The following UBE2E2 variants were observed in gnomAD, a reference collection of about 807,000 sequenced individuals.
The protein encoded by UBE2E2 is ubiquitin conjugating enzyme E2 E2, also known as ubiquitin-conjugating enzyme E2 E2.
Under a neutral mutation model 24.7 loss-of-function variants are expected in UBE2E2, and 6 were observed. That is an observed-to-expected ratio of 0.24 (90% CI 0.13 to 0.48). UBE2E2 has a LOEUF of 0.48. UBE2E2 is among the 20% of genes least tolerant of loss of function. UBE2E2 has a pLI of 0.99. For synonymous variants in UBE2E2, 104 were observed against 83.6 expected (o/e 1.24, Z -1.33); for missense variants, 169 against 245.0 (o/e 0.69, Z 2.07).
intron 3 of UBE2E2, among the ~76,000 whole-genome samples, chr3:23,252,029 T>A (rs1697588962): frequency 6.6e-6 from 1 of 152,232 alleles, no homozygotes; most frequent in African/African-American, 2.4e-5. Flanking sequence ...AGGGGGCACA[T>A]GTATTATATT....
At chr3:23,210,149 A>C (rs1696280985) in intron 2 of UBE2E2, among the ~76,000 whole-genome samples, 1 of 152,106 alleles carries the variant, frequency 6.6e-6, no homozygotes, top group African/African-American at 2.4e-5. Flanking sequence ...AGAAAATATG[A>C]CATTTAGGTG....
At chr3:23,512,991 A>G (rs547201898) in intron 4 of UBE2E2, among the ~76,000 whole-genome samples, 6 of 152,260 alleles carry the variant, frequency 3.9e-5, no homozygotes, top group Admixed American at 2.6e-4. Flanking sequence ...ACAGTATACT[A>G]TATATACTGT....
At chr3:23,518,082 A>G (rs1229273345) in intron 4 of UBE2E2, among the ~76,000 whole-genome samples, 1 of 152,070 alleles carries the variant, frequency 6.6e-6, no homozygotes, top group African/African-American at 2.4e-5. Context: ...AGCTTTAAGG[A>G]AAATTAACCC....
chr3:23,294,746 TTTAGA>T (rs897254353), intron 3 of UBE2E2, among the ~76,000 whole-genome samples: 3 of 148,572 alleles, frequency 2.0e-5, no homozygotes, highest in African/African-American at 4.9e-5. Context: ...ATTTTGTATC[TTTAGA>T]TTATTTTATT....
At chr3:23,586,295 G>A (rs991813880) in intron 5 of UBE2E2, among the ~76,000 whole-genome samples, 2 of 151,962 alleles carry the variant, frequency 1.3e-5, no homozygotes, top group Non-Finnish European at 2.9e-5. Flanking sequence ...ATTGTTAGTG[G>A]TCTTTTTTAT....
chr3:23,300,605 A>G (rs1344389432), intron 3 of UBE2E2, among the ~76,000 whole-genome samples: 5 of 152,220 alleles, frequency 3.3e-5, no homozygotes, highest in Non-Finnish European at 5.9e-5. Context: ...AATGTTGAAT[A>G]TTGGTCCCCA....
chr3:23,476,366 A>G (rs1359821420), intron 3 of UBE2E2, among the ~76,000 whole-genome samples: 1 of 152,084 alleles, frequency 6.6e-6, no homozygotes, highest in Non-Finnish European at 1.5e-5. Flanking sequence ...TGAAATTGGC[A>G]CTAAAGCACC....
intron 3 of UBE2E2, among the ~76,000 whole-genome samples, chr3:23,450,425 T>TG (rs1187425438): frequency 2.6e-5 from 4 of 152,228 alleles, no homozygotes; most frequent in African/African-American, 9.6e-5. Flanking sequence ...GGCTACTAAA[T>TG]GGGGCAGTTC....
At chr3:23,352,562 A>T (rs1268457532) in intron 3 of UBE2E2, among the ~76,000 whole-genome samples, 1 of 152,230 alleles carries the variant, frequency 6.6e-6, no homozygotes, top group African/African-American at 2.4e-5. Context: ...ATCACCACCA[A>T]TCCCACAGAA....
chr3:23,418,184 G>T (rs1284518760), intron 3 of UBE2E2, among the ~76,000 whole-genome samples: 1 of 152,194 alleles, frequency 6.6e-6, no homozygotes, highest in African/African-American at 2.4e-5. Flanking sequence ...GGCCCTGGTG[G>T]CGTAGGCACC....
intron 3 of UBE2E2, among the ~76,000 whole-genome samples, chr3:23,344,473 G>A (rs1307662703): frequency 2.0e-5 from 3 of 151,182 alleles, no homozygotes; most frequent in East Asian, 3.9e-4. Flanking sequence ...TTTTTTTTCA[G>A]TTTTAACGTG....
chr3:23,214,259 A>C (rs935622527), intron 2 of UBE2E2, among the ~76,000 whole-genome samples: 21 of 152,052 alleles, frequency 1.4e-4, no homozygotes, highest in African/African-American at 4.6e-4. Flanking sequence ...ATGATTTATC[A>C]GTTTTTTTTC....
chr3:23,554,521 A>G (rs953071910), intron 5 of UBE2E2, among the ~76,000 whole-genome samples: 2 of 152,190 alleles, frequency 1.3e-5, no homozygotes, highest in African/African-American at 4.8e-5. Flanking sequence ...CTTTAAAAAA[A>G]TAAAATAAGA....
At chr3:23,362,014 A>T (rs116556013) in intron 3 of UBE2E2, among the ~76,000 whole-genome samples, 4,443 of 152,288 alleles carry the variant, frequency 0.029, 112 homozygotes, top group East Asian at 0.13. Context: ...ATAATTTCAT[A>T]AAAAAGCTCC....
intron 4 of UBE2E2, among the ~76,000 whole-genome samples, chr3:23,532,299 G>T (rs935396057): frequency 1.3e-5 from 2 of 152,044 alleles, no homozygotes; most frequent in Non-Finnish European, 2.9e-5. Flanking sequence ...TTAAATAACA[G>T]GACTCTTTAT....
At chr3:23,513,301 T>C (rs1697544939) in intron 4 of UBE2E2, among the ~76,000 whole-genome samples, 1 of 152,204 alleles carries the variant, frequency 6.6e-6, no homozygotes, top group South Asian at 2.1e-4. Context: ...GTCCTCCTCA[T>C]TGCCCAGCAT....
chr3:23,301,664 C>G (rs576040619), intron 3 of UBE2E2, among the ~76,000 whole-genome samples: 58 of 152,246 alleles, frequency 3.8e-4, no homozygotes, highest in Admixed American at 3.7e-3. Flanking sequence ...GAGGAGTACC[C>G]GGCCGTGTGA....
intron 5 of UBE2E2, among the ~76,000 whole-genome samples, chr3:23,533,412 AATATTGC>A (rs1695171555): frequency 6.6e-6 from 1 of 152,184 alleles, no homozygotes; most frequent in Non-Finnish European, 1.5e-5. Context: ...TAATAGCTTA[AATATTGC>A]ATGAGATTCC....
At chr3:23,269,482 C>CTGT (rs1043875272) in intron 3 of UBE2E2, among the ~76,000 whole-genome samples, 3 of 152,172 alleles carry the variant, frequency 2.0e-5, no homozygotes, top group African/African-American at 4.8e-5. Context: ...AGAGACTGGA[C>CTGT]TGTGTTAGCT....
Sources: gnomAD v4.1 joint callset for allele counts (sites outside exome capture counted in the v4.1 genomes callset) on GRCh38, gnomAD v4.1.1 for gene constraint, MANE v1.5 for transcripts, NCBI Gene and HGNC (gene_info 2026-07-23, HGNC 2026-07-21) for gene names.